TRIO: variants seen among roughly 807,000 people sequenced by gnomAD.
TRIO encodes the protein triple functional domain protein.
In TRIO, 58 loss-of-function variants were observed where a neutral mutation model predicts 351.9. The observed-to-expected ratio is 0.16, with a 90% confidence interval of 0.13 to 0.21. TRIO has a LOEUF of 0.21. Ranked by LOEUF, TRIO falls within the 10% of genes least tolerant of loss-of-function variation. The pLI is 1.00. For synonymous variants in TRIO, 1,758 were observed against 1,595.7 expected, an observed-to-expected ratio of 1.10 and a Z score of -2.42; for missense variants, 3,201 against 4,027.8, an observed-to-expected ratio of 0.79 and a Z score of 5.56.
chr5:14,143,354 A>T lies in TRIO; in HGVS notation c.-372A>T, dbSNP rs1254163133. Among the ~76,000 whole-genome samples the T allele has an allele frequency of 1.3e-5, 2 of 150,110 alleles. No homozygotes were observed. The highest frequency in any genetic ancestry group is 2.5e-5 in the African/African-American group (1 of 40,784). ...TCCTTCCTTCCCCATTGAAATCAAG[A>T]TGGAGGCTCGCGGCAGCCGCCGGCG... On this transcript the variant is annotated 5_prime_UTR_variant, in exon 1 of 57. An upstream start codon of the reference 5' UTR is lost. Coordinates refer to ENST00000344204, the MANE Select transcript of TRIO (RefSeq NM_007118.4).
intron 34 of TRIO, among the ~76,000 whole-genome samples, chr5:14,459,425 C>T (rs1753605570): frequency 6.6e-6 from 1 of 152,238 alleles, no homozygotes; most frequent in Admixed American, 6.5e-5. Flanking sequence ...AAGTTGGTCA[C>T]TTCATTCCAT....
intron 33 of TRIO, among the ~76,000 whole-genome samples, chr5:14,408,040 G>A (rs563011839): frequency 1.8e-4 from 27 of 152,288 alleles, no homozygotes; most frequent in African/African-American, 4.6e-4. Context: ...CATGAGACCC[G>A]GGAGTCTGTT....
intron 1 of TRIO, among the ~76,000 whole-genome samples, chr5:14,212,717 A>G (rs1435356422): frequency 2.0e-5 from 3 of 152,202 alleles, no homozygotes; most frequent in African/African-American, 7.2e-5. Flanking sequence ...TGACCAGTGT[A>G]CATCAGGTCT....
intron 34 of TRIO, among the ~76,000 whole-genome samples, chr5:14,431,365 A>C (rs1047411791): frequency 6.6e-6 from 1 of 152,202 alleles, no homozygotes; most frequent in East Asian, 1.9e-4. Flanking sequence ...TTTCTAGCCA[A>C]ACGTAGGACA....
chr5:14,292,891 A>G, intron 5 of TRIO, 121 bp from the exon 6 acceptor site: 2 of 1,384,586 alleles, frequency 1.4e-6, no homozygotes, highest in Non-Finnish European at 2.0e-6. Context: ...AGAGAATCAG[A>G]CAGCGCTTGA....
chr5:14,304,648 C>T (rs1304553698), intron 8 of TRIO, 56 bp downstream of exon 8: 1 of 1,551,652 alleles, frequency 6.4e-7, no homozygotes, highest in Admixed American at 2.2e-5. Flanking sequence ...CATCATAGTA[C>T]ACCGGAAGCT....
At chr5:14,447,593 A>T (rs1411736974) in intron 34 of TRIO, among the ~76,000 whole-genome samples, 1 of 152,196 alleles carries the variant, frequency 6.6e-6, no homozygotes, top group Non-Finnish European at 1.5e-5. Flanking sequence ...ATTTAAAGAC[A>T]TGTTTCAACT....
chr5:14,278,899 C>T (rs1209349583), intron 2 of TRIO, among the ~76,000 whole-genome samples: 4 of 152,166 alleles, frequency 2.6e-5, no homozygotes, highest in African/African-American at 4.8e-5. Flanking sequence ...GCCAGTAGTT[C>T]GAAAGATCAT....
At chr5:14,240,460 G>T (rs533276227) in intron 1 of TRIO, among the ~76,000 whole-genome samples, 1 of 152,204 alleles carries the variant, frequency 6.6e-6, no homozygotes, top group Admixed American at 6.5e-5. Context: ...CTGTTTTCCC[G>T]TTCTTTTACA....
intron 34 of TRIO, chr5:14,420,233 C>G: frequency 7.4e-6 from 5 of 673,796 alleles, no homozygotes; most frequent in Non-Finnish European, 1.2e-5. Context: ...AATGAGTGAT[C>G]TCCTCACTTC....
chr5:14,463,530 A>G (rs27099), intron 36 of TRIO, among the ~76,000 whole-genome samples: 1 of 151,980 alleles, frequency 6.6e-6, no homozygotes, highest in East Asian at 1.9e-4. Flanking sequence ...TACGTAGTCT[A>G]AAATTATTTT....
chr5:14,269,144 T>C (rs1795851185), intron 1 of TRIO, among the ~76,000 whole-genome samples: 1 of 152,208 alleles, frequency 6.6e-6, no homozygotes, highest in South Asian at 2.1e-4. Flanking sequence ...CCACGCAGCC[T>C]TCCTAGGACC....
chr5:14,295,137 T>C (rs549001849), intron 6 of TRIO, among the ~76,000 whole-genome samples: 44 of 152,192 alleles, frequency 2.9e-4, no homozygotes, highest in Non-Finnish European at 5.7e-4. Context: ...CAAGGGTATT[T>C]AACCTTCAGC....
At chr5:14,312,922 C>A (rs945515502) in intron 8 of TRIO, among the ~76,000 whole-genome samples, 9 of 152,176 alleles carry the variant, frequency 5.9e-5, no homozygotes, top group African/African-American at 1.9e-4. Context: ...CATAATATTA[C>A]TGTAATTACA....
intron 39 of TRIO, 63 bp from the exon 40 acceptor site, chr5:14,473,928 CAAT>C: frequency 2.7e-6 from 4 of 1,503,982 alleles, no homozygotes; most frequent in Non-Finnish European, 2.7e-6. Flanking sequence ...GACTATTAAT[CAAT>C]AAGCCACTAG....
At chr5:14,397,229 C>A in intron 29 of TRIO, 75 bp downstream of exon 29, 1 of 1,124,468 alleles carries the variant, frequency 8.9e-7, no homozygotes, top group Non-Finnish European at 1.3e-6. Flanking sequence ...ATTTCCTGAA[C>A]CCTAAAAATC....
intron 48 of TRIO, 43 bp from the exon 49 acceptor site, chr5:14,492,524 A>G (rs1319540275): frequency 5.0e-6 from 8 of 1,602,010 alleles, no homozygotes; most frequent in Non-Finnish European, 6.8e-6. Context: ...GTCTCGTTTC[A>G]GTTCCTCCCT....
intron 2 of TRIO, among the ~76,000 whole-genome samples, chr5:14,279,538 TG>T (rs1308646579): frequency 1.3e-5 from 2 of 152,220 alleles, no homozygotes; most frequent in Admixed American, 6.5e-5. Context: ...TCTATTTTCC[TG>T]ACAACCCCGA....
chr5:14,421,879 A>G (rs1443791948), intron 34 of TRIO, among the ~76,000 whole-genome samples: 1 of 152,252 alleles, frequency 6.6e-6, no homozygotes, highest in East Asian at 1.9e-4. Context: ...AAGACATAGG[A>G]ACTGCAGGAG....
Sources: gnomAD v4.1 joint callset for allele counts (sites outside exome capture counted in the v4.1 genomes callset) on GRCh38, gnomAD v4.1.1 for gene constraint, MANE v1.5 for transcripts, NCBI Gene and HGNC (gene_info 2026-07-23, HGNC 2026-07-21) for gene names.